CHPF2: variants seen among roughly 807,000 people sequenced by gnomAD.
CHPF2 encodes chondroitin polymerizing factor 2.
In CHPF2, 58 loss-of-function variants were observed where a neutral mutation model predicts 63.0. The ratio of observed to expected loss-of-function variants is 0.92; its 90% CI spans 0.75 to 1.15. CHPF2 has a LOEUF of 1.15. Ranked by LOEUF, CHPF2 falls within the 50% of genes most tolerant of loss-of-function variation. The pLI is 0.00. For synonymous variants in CHPF2, 442 were observed against 438.0 expected, an observed-to-expected ratio of 1.01 and a Z score of -0.11; for missense variants, 1,045 against 1,035.4, an observed-to-expected ratio of 1.01 and a Z score of -0.13.
At position 151,234,935 on chromosome 7, in the gene CHPF2, G is replaced by C. The variant is rs2150582278; in HGVS notation, c.264-113G>C. Reference sequence around the variant, plus strand: ...TACCTAATTAATATTGACAAGGAAGGAAGTTTCTCCCTTCTCAGCCCCAAC... The same window carrying C: ...TACCTAATTAATATTGACAAGGAAGCAAGTTTCTCCCTTCTCAGCCCCAAC... On this transcript the variant is annotated intron_variant, in intron 1 of 3. Transcript: ENST00000035307. 1.1e-5 allele frequency: 8 copies of C among 741,024 alleles called. No homozygotes were observed. The South Asian group carries it at 1.6e-4, about 15-fold the overall frequency. The allele number at this position is 741,024 out of a possible 1,614,324, so 45.9% of individuals were successfully genotyped here.
chr7:151,235,037 T>G lies in CHPF2; in HGVS notation c.264-11T>G. On this transcript the variant is annotated splice_polypyrimidine_tract_variant and intron_variant, in intron 1 of 3. Coordinates refer to ENST00000035307, the MANE Select transcript of CHPF2 (RefSeq NM_019015.3). ...AGGGAGTTGACCTCTGGCACACTGG[T>G]CTTTCCACAGGACTCGGTACATCCA... 2 of 1,525,620 alleles carry G rather than the reference T, an allele frequency of 1.3e-6. No individual in the cohort carries two copies. Among genetic ancestry groups the G allele is most frequent in the Non-Finnish European group, 1.8e-6 (2 of 1,134,204 alleles). The allele number at this position is 1,525,620 out of a possible 1,614,324, so 94.5% of individuals were successfully genotyped here.
At position 151,233,962 on chromosome 7, in the gene CHPF2, G is replaced by C. The variant is rs751420591; in HGVS notation, c.-50G>C. 1 of 1,465,902 alleles carries C rather than the reference G, an allele frequency of 6.8e-7. No individual in the cohort carries two copies. The highest frequency in any genetic ancestry group is 9.0e-7 in the Non-Finnish European group (1 of 1,110,296). 90.8% of individuals were successfully genotyped at this position (1,465,902 alleles called of 1,614,324 possible). ...CTGGCCTGGTGCCCATCAATCCATT[G>C]ATCCTTGAGGCTGTGCCCCTGGGGC... On this transcript the variant is annotated 5_prime_UTR_variant, in exon 1 of 4. Transcript: ENST00000035307.
In CHPF2 at chr7:151,237,807, A is replaced by C; in HGVS notation, c.1445A>C (p.Tyr482Ser). Residue 482 changes from tyrosine (Y) to serine (S), a missense_variant, in exon 4 of 4, where the codon TAT becomes TCT. By Grantham distance (144) the Tyr-to-Ser change is moderately radical. Transcript: ENST00000035307. The stretch of plus-strand genomic sequence containing the variant: ...CGGGTGGAAATCCTACCTATGCCCT[A>C]TGTCACTGAGGCCACCCGAGTGCAG... ...LSRVEILPMP[Y>S]VTEATRVQLV... 1 of 1,612,636 alleles carries C rather than the reference A, an allele frequency of 6.2e-7. No homozygotes were observed.
rs1802734658 is a variant in CHPF2 at position 151,237,984 on chromosome 7, C to A, written c.1622C>A (p.Pro541Gln). 6.2e-7 allele frequency: 1 copy of A among 1,613,220 alleles called. No individual in the cohort carries two copies. The highest frequency in any genetic ancestry group is 8.5e-7 in the Non-Finnish European group (1 of 1,180,040). ...GAAGGTGGCCGTGGAGCTCCAGACC[C>A]ATTTCTTGGGGTGAAGGCTGCAGCA... ...PREGGRGAPD[P>Q]FLGVKAAAAE... The change falls in exon 4 of 4, where the codon CCA becomes CAA. Residue 541 changes from proline to glutamine, a missense_variant. Transcript: ENST00000035307.
Position 151,232,850 on chromosome 7 carries a change from C to G in CHPF2, c.-1162C>G, listed in dbSNP as rs1299190755. 2 of 1,441,130 alleles carry G rather than the reference C, an allele frequency of 1.4e-6. No individual in the cohort carries two copies. Among genetic ancestry groups the G allele is most frequent in the African/African-American group, 3.0e-5 (2 of 67,246 alleles). 89.3% of individuals were successfully genotyped at this position (1,441,130 alleles called of 1,614,324 possible). A position where few individuals can be genotyped will look rare whatever the true frequency, so the allele number is the denominator to read the frequency against. On this transcript the variant is annotated 5_prime_UTR_variant, in exon 1 of 4. Transcript: ENST00000035307. ...CAGTCTCCCAGCCGCGACCTCCGAC[C>G]CCGCCTCGCAGAACGACCCGAGCTG...
intron 3 of CHPF2, 65 bp from the exon 4 acceptor site, chr7:151,237,309 G>A (rs1041863076): frequency 1.5e-6 from 2 of 1,317,354 alleles, no homozygotes; most frequent in Non-Finnish European, 2.1e-6. Context: ...TCAGAGCCCA[G>A]GCAGCTGGAG....
chr7:151,238,243 T>A lies in CHPF2; in HGVS notation c.1881T>A (p.Asn627Lys), dbSNP rs750245027. 1.0e-4 allele frequency: 165 copies of A among 1,612,670 alleles called. No homozygotes were observed. The highest frequency in any genetic ancestry group is 3.3e-4 in the Middle Eastern group (2 of 6,084). ...AFFPVHFQEF[N>K]PALSPQRSPP... The stretch of plus-strand genomic sequence containing the variant: ...TTCCAGTCCATTTCCAGGAGTTCAA[T>A]CCTGCCCTGTCACCACAGAGATCAC... Residue 627 changes from asparagine to lysine, a missense_variant, in exon 4 of 4, where the codon AAT becomes AAA. Transcript: ENST00000035307.
rs1032398552 is a variant in CHPF2 at position 151,232,735 on chromosome 7, G to A, written c.-1277G>A. On this transcript the variant is annotated 5_prime_UTR_variant, in exon 1 of 4. Coordinates refer to ENST00000035307, the MANE Select transcript of CHPF2 (RefSeq NM_019015.3). ...GGCCTCCTCCCCGAGGGCCTTGGGC[G>A]TCCCTCCTGGTCCTGCGCTCGCGGC... is the stretch of plus-strand genomic sequence containing the variant. 1.3e-6 allele frequency: 2 copies of A among 1,505,636 alleles called. No homozygotes were observed. Among genetic ancestry groups the A allele is most frequent in the South Asian group, 1.2e-5 (1 of 81,966 alleles). The allele number at this position is 1,505,636 out of a possible 1,614,324, so 93.3% of individuals were successfully genotyped here.
chr7:151,235,291 A>G lies in CHPF2; in HGVS notation c.507A>G (p.Thr169=). 1 of 1,613,870 alleles carries G rather than the reference A, an allele frequency of 6.2e-7. No individual in the cohort carries two copies. Among genetic ancestry groups the G allele is most frequent in the Non-Finnish European group, 8.5e-7 (1 of 1,179,994 alleles). ...CAGAGACCCTGCGCCACCTTCACACACACTTTGGGGCCGACTACGACTGGT... is the reference window on the plus strand; with the variant it reads ...CAGAGACCCTGCGCCACCTTCACACGCACTTTGGGGCCGACTACGACTGGT... ...LMSETLRHLH[T]HFGADYDWFF... is the part of the protein sequence containing the mutation. The change falls in exon 2 of 4, where the codon ACA becomes ACG. Residue 169 remains threonine, a synonymous_variant. Transcript: ENST00000035307.
intron 3 of CHPF2, chr7:151,237,006 G>A (rs746885091): frequency 5.8e-5 from 31 of 536,902 alleles, no homozygotes; most frequent in East Asian, 3.8e-4. Flanking sequence ...CAAGTTGAAC[G>A]TCAGGCTTGG....
At position 151,233,251 on chromosome 7, in the gene CHPF2, C is replaced by G. The variant is rs756729535; in HGVS notation, c.-761C>G. Reference sequence around the variant, plus strand: ...GAGGAGAATGCCCTGCAAGATGGCTCCATCGGCCATGGCGCTCCTGAGAGG... The same window carrying G: ...GAGGAGAATGCCCTGCAAGATGGCTGCATCGGCCATGGCGCTCCTGAGAGG... On this transcript the variant is annotated 5_prime_UTR_variant, in exon 1 of 4. Coordinates refer to ENST00000035307, the MANE Select transcript of CHPF2 (RefSeq NM_019015.3). The G allele has an allele frequency of 2.0e-6, 2 of 995,416 alleles. No individual in the cohort carries two copies. The highest frequency in any genetic ancestry group is 1.2e-6 in the Non-Finnish European group (1 of 836,770). The allele number at this position is 995,416 out of a possible 1,614,324, so 61.7% of individuals were successfully genotyped here.
In CHPF2 at chr7:151,237,423, T is replaced by G; in HGVS notation, c.1061T>G (p.Leu354Arg). The change falls in exon 4 of 4, where the codon CTG becomes CGG. Residue 354 changes from leucine (L) to arginine (R), a missense_variant. Transcript: ENST00000035307. ...TVLTPEGEAG[L>R]SWPVGLPAPF... ...CTGACCCCCGAAGGGGAGGCAGGGC[T>G]GAGCTGGCCCGTTGGGCTCCCTGCT... 1 of 1,611,496 alleles carries G rather than the reference T, an allele frequency of 6.2e-7. No homozygotes were observed. Among genetic ancestry groups the G allele is most frequent in the East Asian group, 2.2e-5 (1 of 44,808 alleles).
rs1416407445 is a variant in CHPF2 at position 151,232,498 on chromosome 7, C to G, written c.-1514C>G. On this transcript the variant is annotated 5_prime_UTR_variant, in exon 1 of 4. Coordinates refer to ENST00000035307, the MANE Select transcript of CHPF2 (RefSeq NM_019015.3). ...AGGCAGCGGAAGAGGAAGCTGCGGACAGGGGCTGTGAGGTGGCAGCGGCTG... is the reference window on the plus strand; with the variant it reads ...AGGCAGCGGAAGAGGAAGCTGCGGAGAGGGGCTGTGAGGTGGCAGCGGCTG... 1 of 487,456 alleles carries G rather than the reference C, an allele frequency of 2.1e-6. No individual in the cohort carries two copies. The highest frequency in any genetic ancestry group is 3.6e-6 in the Non-Finnish European group (1 of 276,130). 30.2% of individuals were successfully genotyped at this position (487,456 alleles called of 1,614,324 possible).
rs146761616 is a variant in CHPF2 at position 151,238,592 on chromosome 7, C to A, written c.2230C>A (p.Arg744Ser). 1.9e-6 allele frequency: 3 copies of A among 1,612,890 alleles called. No homozygotes were observed. In the South Asian group the frequency reaches 3.3e-5, roughly 18 times the overall value. The change falls in exon 4 of 4, where the codon CGC becomes AGC. Residue 744 changes from arginine (R) to serine (S), a missense_variant. Physicochemically the swap from Arg to Ser is moderately radical, Grantham distance 110. Transcript: ENST00000035307. ...SPRLSEELYH[R>S]CRLSNLEGLG... ...ACGGCTCAGTGAAGAACTCTACCAC[C>A]GCTGCCGCCTCAGCAACCTGGAGGG...
chr7:151,232,741 C>T lies in CHPF2; in HGVS notation c.-1271C>T, dbSNP rs1489253376. 3 of 1,509,838 alleles carry T rather than the reference C, an allele frequency of 2.0e-6. No homozygotes were observed. The highest frequency in any genetic ancestry group is 2.6e-6 in the Non-Finnish European group (3 of 1,135,642). 93.5% of individuals were successfully genotyped at this position (1,509,838 alleles called of 1,614,324 possible). ...CTCCCCGAGGGCCTTGGGCGTCCCTCCTGGTCCTGCGCTCGCGGCCTCGAT... is the reference window on the plus strand; with the variant it reads ...CTCCCCGAGGGCCTTGGGCGTCCCTTCTGGTCCTGCGCTCGCGGCCTCGAT... On this transcript the variant is annotated 5_prime_UTR_variant, in exon 1 of 4. Transcript: ENST00000035307.
chr7:151,237,823 C>G lies in CHPF2; in HGVS notation c.1461C>G (p.Thr487=), dbSNP rs1250399372. The part of the protein sequence containing the change: ...ILPMPYVTEA[T]RVQLVLPLLV... ...CTATGCCCTATGTCACTGAGGCCACCCGAGTGCAGCTGGTGCTGCCACTCC... is the reference window on the plus strand; with the variant it reads ...CTATGCCCTATGTCACTGAGGCCACGCGAGTGCAGCTGGTGCTGCCACTCC... Residue 487 remains threonine (T), a synonymous_variant, in exon 4 of 4, where the codon ACC becomes ACG. Transcript: ENST00000035307. 2 of 1,612,682 alleles carry G rather than the reference C, an allele frequency of 1.2e-6. No individual in the cohort carries two copies. Among genetic ancestry groups the G allele is most frequent in the Admixed American group, 1.7e-5 (1 of 60,030 alleles).
chr7:151,235,002 C>T (rs768355660), intron 1 of CHPF2, 46 bp from the exon 2 acceptor site: 2 of 1,463,248 alleles, frequency 1.4e-6, no homozygotes, highest in South Asian at 2.7e-5. Context: ...AAGCTGGGTT[C>T]CTAAAGATTA....
chr7:151,237,456 C>T lies in CHPF2; in HGVS notation c.1094C>T (p.Thr365Ile), dbSNP rs761172797. 2 of 1,613,808 alleles carry T rather than the reference C, an allele frequency of 1.2e-6. No homozygotes were observed. Among genetic ancestry groups the T allele is most frequent in the African/African-American group, 1.3e-5 (1 of 74,950 alleles). The change falls in exon 4 of 4, where the codon ACA becomes ATA. Residue 365 changes from threonine (T) to isoleucine (I), a missense_variant. Coordinates refer to ENST00000035307, the MANE Select transcript of CHPF2 (RefSeq NM_019015.3). The stretch of plus-strand genomic sequence containing the variant: ...CCCGTTGGGCTCCCTGCTCCTTTCA[C>T]ACCACACTCTCGCTTTGAGGTGCTG... Reference protein sequence around the residue: ...SWPVGLPAPFTPHSRFEVLGW... With the variant: ...SWPVGLPAPFIPHSRFEVLGW...
Position 151,235,052 on chromosome 7 carries a change from C to T in CHPF2, c.268C>T (p.Arg90Trp), listed in dbSNP as rs367738644. ...GGCACACTGGTCTTTCCACAGGACT[C>T]GGTACATCCAGACAGAGCTGGGCTC... ...NKPYKKVLRT[R>W]YIQTELGSRE... Residue 90 changes from arginine to tryptophan, a missense_variant, in exon 2 of 4, where the codon CGG becomes TGG. Transcript: ENST00000035307. 62 of 1,543,698 alleles carry T rather than the reference C, an allele frequency of 4.0e-5. No individual in the cohort carries two copies. The Admixed American group carries it at 5.4e-4, about 13-fold the overall frequency.
Sources: allele counts gnomAD v4.1 joint callset, GRCh38; gene constraint gnomAD v4.1.1; transcripts MANE v1.5; gene names NCBI Gene and HGNC (gene_info 2026-07-23, HGNC 2026-07-21).